BAZ2B: variants seen among roughly 807,000 people sequenced by gnomAD.
BAZ2B encodes bromodomain adjacent to zinc finger domain 2B.
In BAZ2B, 91 loss-of-function variants were observed where a neutral mutation model predicts 246.0. That is an observed-to-expected ratio of 0.37 (90% CI 0.31 to 0.44). The LOEUF is 0.44. Ranked by LOEUF, BAZ2B falls within the 20% of genes least tolerant of loss-of-function variation. The probability of loss-of-function intolerance (pLI) is 1.00; values close to 1 mark genes in which losing one functional copy is unlikely to be tolerated. For missense variants in BAZ2B, 2,332 were observed against 2,533.7 expected (o/e 0.92, Z 1.71); for synonymous variants, 855 against 860.0 (o/e 0.99, Z 0.10).
rs137997299 is a variant in BAZ2B at position 159,336,538 on chromosome 2, C to T, written c.5796+404G>A. Reference sequence around the variant, plus strand: ...TATCTTGTATTTACTTATCTAAGTGCTTCTTAGAATTAAAAAATGAAAACT... The same window carrying T: ...TATCTTGTATTTACTTATCTAAGTGTTTCTTAGAATTAAAAAATGAAAACT... On this transcript the variant is annotated intron_variant, in intron 33 of 36. Transcript: ENST00000392783. Among the ~76,000 whole-genome samples, 1,342 of 152,236 alleles carry T rather than the reference C, an allele frequency of 8.8e-3. 18 individuals carry two copies. The highest frequency in any genetic ancestry group is 0.031 in the African/African-American group (1,276 of 41,518).
chr2:159,348,582 A>G, intron 30 of BAZ2B, 96 bp downstream of exon 30: 3 of 1,378,236 alleles, frequency 2.2e-6, no homozygotes, highest in Non-Finnish European at 2.9e-6. Context: ...ACCCATGAAT[A>G]TGAAGGACCA....
chr2:159,576,645 G>A (rs1172946861), intron 1 of BAZ2B, among the ~76,000 whole-genome samples: 3 of 152,024 alleles, frequency 2.0e-5, no homozygotes, highest in Admixed American at 1.3e-4. Context: ...CAGGCACGGT[G>A]GCTCACACCT....
chr2:159,419,458 C>T (rs1174852584), intron 13 of BAZ2B, among the ~76,000 whole-genome samples: 1 of 152,100 alleles, frequency 6.6e-6, no homozygotes, highest in Non-Finnish European at 1.5e-5. Context: ...CAGAGGTAGG[C>T]AGTGAAAGGG....
chr2:159,335,045 G>A (rs181794602), intron 33 of BAZ2B, among the ~76,000 whole-genome samples: 1 of 151,828 alleles, frequency 6.6e-6, no homozygotes, highest in East Asian at 1.9e-4. Flanking sequence ...GGAGTAGCTG[G>A]GACTATCAGC....
rs34987510 is a variant in BAZ2B at position 159,449,214 on chromosome 2, C to G, written c.335-805G>C. Reference sequence around the variant, plus strand: ...TTAAAGTTTTAGAAAAGGAAATAAGCCAAATTTTATACATTTTTCAAGGAA... The same window carrying G: ...TTAAAGTTTTAGAAAAGGAAATAAGGCAAATTTTATACATTTTTCAAGGAA... On this transcript the variant is annotated intron_variant, in intron 4 of 36. Transcript: ENST00000392783. 3.5e-3 allele frequency among the ~76,000 whole-genome samples: 534 copies of G among 151,836 alleles called. 2 individuals carry two copies. The highest frequency in any genetic ancestry group is 6.5e-3 in the Non-Finnish European group (441 of 67,900).
Position 159,433,304 on chromosome 2 carries a change from C to G in BAZ2B, c.1353G>C (p.Leu451=). 6.2e-7 allele frequency: 1 copy of G among 1,614,096 alleles called. No individual in the cohort carries two copies. Among genetic ancestry groups the G allele is most frequent in the Non-Finnish European group, 8.5e-7 (1 of 1,180,022 alleles). ...TTGACAAAGCTGCAATAACCTTCTT[C>G]AGGCTCTTCGATGACTCTTGTTTCT... ...QLKKQESSKS[L]KKVIAALSNP... Residue 451 remains leucine (L), a synonymous_variant, in exon 9 of 37, where the codon CTG becomes CTC. Transcript: ENST00000392783.
chr2:159,600,088 C>T (rs1344045120), intron 1 of BAZ2B, among the ~76,000 whole-genome samples: 5 of 152,056 alleles, frequency 3.3e-5, no homozygotes, highest in African/African-American at 4.8e-5. Context: ...AATGTCCTAG[C>T]TCAGATTCCT....
rs548334579 is a variant in BAZ2B at position 159,453,268 on chromosome 2, G to A, written c.334+345C>T. The stretch of plus-strand genomic sequence containing the variant: ...ATAATTTTTTAAAAAATCAAATAAG[G>A]CTGAGAAAAATTAATTCAACTCTAC... On this transcript the variant is annotated intron_variant, in intron 4 of 36. Coordinates refer to ENST00000392783, the MANE Select transcript of BAZ2B (RefSeq NM_013450.4). Among the ~76,000 whole-genome samples the A allele has an allele frequency of 2.2e-4, 34 of 151,896 alleles. 1 individual carries two copies. The East Asian group carries it at 3.7e-3, about 16-fold the overall frequency.
intron 11 of BAZ2B, 132 bp from the exon 12 acceptor site, chr2:159,428,551 A>C: frequency 1.9e-6 from 1 of 513,230 alleles, no homozygotes. Context: ...TCCTCAAACA[A>C]CCCAAATACA....
chr2:159,537,996 T>TTTTG (rs1328300755), intron 2 of BAZ2B, among the ~76,000 whole-genome samples: 1 of 152,052 alleles, frequency 6.6e-6, no homozygotes, highest in Non-Finnish European at 1.5e-5. Flanking sequence ...CAATTAACTT[T>TTTTG]TTTGTTTGTT....
chr2:159,509,572 A>G (rs1256262466), intron 2 of BAZ2B, among the ~76,000 whole-genome samples: 2 of 152,162 alleles, frequency 1.3e-5, no homozygotes, highest in Non-Finnish European at 2.9e-5. Context: ...TTCACTATAC[A>G]GTGTAACAGA....
intron 3 of BAZ2B, among the ~76,000 whole-genome samples, chr2:159,474,030 A>G (rs1041526010): frequency 6.6e-6 from 1 of 152,162 alleles, no homozygotes; most frequent in African/African-American, 2.4e-5. Flanking sequence ...AGAAGACTCT[A>G]TATTCTGTTG....
intron 2 of BAZ2B, among the ~76,000 whole-genome samples, chr2:159,530,177 A>T (rs995083722): frequency 7.2e-5 from 11 of 152,208 alleles, no homozygotes; most frequent in Non-Finnish European, 1.6e-4. Context: ...GAAAGTAGTA[A>T]CCTTCACCCT....
chr2:159,685,018 T>A, the BAZ2B span, among the ~76,000 whole-genome samples: 2 of 152,204 alleles, frequency 1.3e-5, no homozygotes, highest in Non-Finnish European at 2.9e-5. Flanking sequence ...AGAGTCATGG[T>A]AATGTCCAGA....
Position 159,363,947 on chromosome 2 carries a change from A to G in BAZ2B, c.4213+9098T>C, listed in dbSNP as rs540372032. The stretch of plus-strand genomic sequence containing the variant: ...ATCTAAAGGACATAGAGACAGGGAG[A>G]TACTCTGCATTATCTTGACTCTGGA... On this transcript the variant is annotated intron_variant, in intron 27 of 36. Coordinates refer to ENST00000392783, the MANE Select transcript of BAZ2B (RefSeq NM_013450.4). Among the ~76,000 whole-genome samples, 3 of 152,278 alleles carry G rather than the reference A, an allele frequency of 2.0e-5. No homozygotes were observed. In the South Asian group the frequency reaches 6.2e-4, roughly 32 times the overall value.
chr2:159,453,270 T>C (rs1218633698), intron 4 of BAZ2B, among the ~76,000 whole-genome samples: 1 of 152,158 alleles, frequency 6.6e-6, no homozygotes, highest in African/African-American at 2.4e-5. Context: ...CAAATAAGGC[T>C]GAGAAAAATT....
In BAZ2B at chr2:159,448,287, G is replaced by A. The variant is rs1272731178; in HGVS notation, c.457C>T (p.His153Tyr). 1.2e-6 allele frequency: 2 copies of A among 1,612,580 alleles called. No individual in the cohort carries two copies. Among genetic ancestry groups the A allele is most frequent in the African/African-American group, 1.3e-5 (1 of 74,806 alleles). The change falls in exon 5 of 37, where the codon CAT becomes TAT. Residue 153 changes from histidine to tyrosine, a missense_variant. This residue lies in a region of BAZ2B where 242 missense variants were observed against 237.4 expected (regional missense o/e 1.02). Coordinates refer to ENST00000392783, the MANE Select transcript of BAZ2B (RefSeq NM_013450.4). ...TTACTTTTTCCCGAAGTCCTTGAATGGAATGAAGAAGAATCATGATTCTGG... is the reference window on the plus strand; with the variant it reads ...TTACTTTTTCCCGAAGTCCTTGAATAGAATGAAGAAGAATCATGATTCTGG... ...PAQNHDSSSFHSRTSGKSNRN... is the reference protein window; with the variant it reads ...PAQNHDSSSFYSRTSGKSNRN...
At chr2:159,704,487 T>C in the BAZ2B span, among the ~76,000 whole-genome samples, 14 of 147,690 alleles carry the variant, frequency 9.5e-5, no homozygotes, top group Non-Finnish European at 1.9e-4. Flanking sequence ...TTTTTCTTTT[T>C]TTTTTTTTTT....
At chr2:159,477,386 T>C (rs1481805638) in intron 3 of BAZ2B, among the ~76,000 whole-genome samples, 2 of 152,096 alleles carry the variant, frequency 1.3e-5, no homozygotes, top group South Asian at 2.1e-4. Context: ...CATATAGTGC[T>C]ATTTTAGTTA....
Sources: allele counts gnomAD v4.1 joint callset (sites outside exome capture counted in the v4.1 genomes callset), GRCh38; gene constraint gnomAD v4.1.1; regional missense constraint gnomAD v4.1.1; transcripts MANE v1.5; gene names NCBI Gene and HGNC (gene_info 2026-07-23, HGNC 2026-07-21).